The following ATRNL1 variants were observed in gnomAD, a reference collection of about 807,000 sequenced individuals.
ATRNL1 encodes the protein attractin-like protein 1.
A neutral mutation model predicts 182.7 loss-of-function variants in ATRNL1; 95 were observed. The ratio of observed to expected loss-of-function variants is 0.52; its 90% CI spans 0.44 to 0.62. The LOEUF (loss-of-function observed/expected upper bound fraction) is 0.62, where lower values mean the gene tolerates loss of function less well. ATRNL1 is among the 20% of genes least tolerant of loss of function. The pLI is 0.00. For missense variants in ATRNL1, 1,471 were observed against 1,679.5 expected (o/e 0.88, Z 2.17); for synonymous variants, 576 against 568.3 (o/e 1.01, Z -0.19).
intron 5 of ATRNL1, among the ~76,000 whole-genome samples, chr10:115,141,707 T>C (rs1363192540): frequency 6.6e-6 from 1 of 152,134 alleles, no homozygotes; most frequent in Non-Finnish European, 1.5e-5. Context: ...TTTAGAAATA[T>C]AATAATAATG....
chr10:115,935,582 T>C (rs1953532343), intron 28 of ATRNL1, among the ~76,000 whole-genome samples: 1 of 152,126 alleles, frequency 6.6e-6, no homozygotes, highest in Admixed American at 6.5e-5. Flanking sequence ...TGGGTTCAGG[T>C]GCCACCACTG....
chr10:115,637,420 C>G (rs1010593388), intron 26 of ATRNL1, among the ~76,000 whole-genome samples: 33 of 151,422 alleles, frequency 2.2e-4, no homozygotes, highest in African/African-American at 7.8e-4. Context: ...AAAGTAAAAC[C>G]AAAGTTAAAA....
chr10:115,175,458 C>T (rs1428542015), intron 8 of ATRNL1, among the ~76,000 whole-genome samples: 1 of 151,876 alleles, frequency 6.6e-6, no homozygotes, highest in Non-Finnish European at 1.5e-5. Flanking sequence ...TATTGAGTTT[C>T]TTTTGGCTTA....
chr10:115,791,672 CT>C (rs1949535396), intron 27 of ATRNL1, among the ~76,000 whole-genome samples: 2 of 152,090 alleles, frequency 1.3e-5, no homozygotes, highest in African/African-American at 4.8e-5. Context: ...GCCCAAGCAA[CT>C]TGACTCTTCC....
At chr10:115,810,795 T>G (rs1950029652) in intron 27 of ATRNL1, among the ~76,000 whole-genome samples, 1 of 151,848 alleles carries the variant, frequency 6.6e-6, no homozygotes, top group African/African-American at 2.4e-5. Flanking sequence ...GTCTCTTATC[T>G]TCTAAATATT....
chr10:115,116,157 A>G (rs1844476464), intron 1 of ATRNL1, among the ~76,000 whole-genome samples: 1 of 152,084 alleles, frequency 6.6e-6, no homozygotes, highest in Non-Finnish European at 1.5e-5. Flanking sequence ...ACTTAAACAA[A>G]CTAGTGTAGT....
chr10:115,316,464 G>T (rs1334215834), intron 18 of ATRNL1, among the ~76,000 whole-genome samples: 12 of 152,086 alleles, frequency 7.9e-5, no homozygotes, highest in African/African-American at 2.7e-4. Flanking sequence ...ATTCCTTTAT[G>T]TACATACCCA....
intron 9 of ATRNL1, among the ~76,000 whole-genome samples, chr10:115,233,207 A>G (rs1385908969): frequency 6.6e-6 from 1 of 152,040 alleles, no homozygotes; most frequent in African/African-American, 2.4e-5. Context: ...GATCTATGTG[A>G]TCTCATTTTA....
At chr10:115,748,275 T>C (rs1391711701) in intron 27 of ATRNL1, among the ~76,000 whole-genome samples, 2 of 151,686 alleles carry the variant, frequency 1.3e-5, no homozygotes, top group African/African-American at 4.8e-5. Context: ...TTTTATACAA[T>C]GAAGGAAGGG....
rs144156859 is a variant in ATRNL1 at position 115,450,576 on chromosome 10, G to A, written c.3323-11365G>A. 4.4e-3 allele frequency among the ~76,000 whole-genome samples: 663 copies of A among 152,150 alleles called. 4 individuals carry two copies. The highest frequency in any genetic ancestry group is 0.015 in the African/African-American group (627 of 41,504). On this transcript the variant is annotated intron_variant, in intron 21 of 28. Transcript: ENST00000355044. Reference sequence around the variant, plus strand: ...AATACCTTAGAATACAGCTAACCAGGGAGGTGAAAGATCTCTATAATGAGA... The same window carrying A: ...AATACCTTAGAATACAGCTAACCAGAGAGGTGAAAGATCTCTATAATGAGA...
chr10:115,246,361 T>C (rs1192459304), intron 10 of ATRNL1, among the ~76,000 whole-genome samples: 1 of 152,146 alleles, frequency 6.6e-6, no homozygotes, highest in Non-Finnish European at 1.5e-5. Flanking sequence ...GGAATTTTAG[T>C]TGGAAAGAAC....
chr10:115,207,880 T>G (rs1217943111), intron 8 of ATRNL1, among the ~76,000 whole-genome samples: 1 of 152,066 alleles, frequency 6.6e-6, no homozygotes, highest in Non-Finnish European at 1.5e-5. Context: ...ATTTCTCAGT[T>G]TCATGGAATT....
At chr10:115,651,701 A>G (rs1860015941) in intron 26 of ATRNL1, among the ~76,000 whole-genome samples, 1 of 152,204 alleles carries the variant, frequency 6.6e-6, no homozygotes, top group Non-Finnish European at 1.5e-5. Flanking sequence ...ATCTTTACAT[A>G]ACCATCTTGC....
intron 28 of ATRNL1, among the ~76,000 whole-genome samples, chr10:115,890,312 A>G (rs1952049429): frequency 6.6e-6 from 1 of 152,174 alleles, no homozygotes; most frequent in Admixed American, 6.5e-5. Flanking sequence ...ATTTTTCACC[A>G]GCTCTAACAT....
At chr10:115,710,691 G>A (rs1445131503) in intron 26 of ATRNL1, among the ~76,000 whole-genome samples, 6 of 152,172 alleles carry the variant, frequency 3.9e-5, no homozygotes, top group African/African-American at 9.6e-5. Flanking sequence ...AAGGAAAAGA[G>A]AATAGAGAAG....
chr10:115,578,249 G>C (rs373316965), intron 26 of ATRNL1, among the ~76,000 whole-genome samples: 4 of 151,888 alleles, frequency 2.6e-5, no homozygotes, highest in East Asian at 3.9e-4. Context: ...TTTGATGTCA[G>C]GGTGATACTA....
chr10:115,373,170 C>A (rs1481651949), intron 19 of ATRNL1, among the ~76,000 whole-genome samples: 3 of 151,858 alleles, frequency 2.0e-5, no homozygotes, highest in African/African-American at 7.2e-5. Flanking sequence ...TTAGATAGTT[C>A]ACTGTTAGTG....
intron 26 of ATRNL1, among the ~76,000 whole-genome samples, chr10:115,668,391 A>G (rs968186061): frequency 2.6e-5 from 4 of 152,144 alleles, no homozygotes; most frequent in Non-Finnish European, 5.9e-5. Flanking sequence ...AATTGTTCAC[A>G]ATATTCTATT....
intron 26 of ATRNL1, among the ~76,000 whole-genome samples, chr10:115,695,577 C>T (rs572771092): frequency 4.5e-4 from 68 of 152,148 alleles, no homozygotes; most frequent in African/African-American, 1.6e-3. Context: ...ATGAAGTGCA[C>T]ATTCATGATG....
Sources: allele counts gnomAD v4.1 joint callset (sites outside exome capture counted in the v4.1 genomes callset), GRCh38; gene constraint gnomAD v4.1.1; transcripts MANE v1.5; gene names NCBI Gene and HGNC (gene_info 2026-07-23, HGNC 2026-07-21).